The following TCF4 variants were observed in gnomAD, a reference collection of about 807,000 sequenced individuals.
TCF4 encodes the protein SL3-3 enhancer factor 2.
A neutral mutation model predicts 82.1 loss-of-function variants in TCF4; 3 were observed. The ratio of observed to expected loss-of-function variants is 0.04; its 90% CI spans 0.02 to 0.09. TCF4 has a LOEUF of 0.09. Ranked by LOEUF, TCF4 falls within the 10% of genes least tolerant of loss-of-function variation. The pLI, the probability that TCF4 is intolerant of heterozygous loss-of-function variation, is 1.00. For missense variants in TCF4, 518 were observed against 852.7 expected (o/e 0.61, Z 4.89); for synonymous variants, 276 against 309.6 (o/e 0.89, Z 1.14).
chr18:55,605,504 G>A (rs1043329456), intron 2 of TCF4, among the ~76,000 whole-genome samples: 17 of 152,174 alleles, frequency 1.1e-4, no homozygotes, highest in African/African-American at 3.9e-4. Flanking sequence ...TCTTCAAACT[G>A]AGTAAACTCC....
At chr18:55,431,562 G>C (rs2095196152) in intron 5 of TCF4, among the ~76,000 whole-genome samples, 1 of 152,164 alleles carries the variant, frequency 6.6e-6, no homozygotes, top group South Asian at 2.1e-4. Context: ...TTACAGTTGT[G>C]AACCACCGTG....
intron 2 of TCF4, among the ~76,000 whole-genome samples, chr18:55,604,512 G>T (rs1182145140): frequency 6.6e-6 from 1 of 152,318 alleles, no homozygotes; most frequent in East Asian, 1.9e-4. Context: ...GCTTTTAACA[G>T]AGAGGACAAA....
chr18:55,622,950 A>C (rs1243800599), intron 2 of TCF4, among the ~76,000 whole-genome samples: 2 of 151,958 alleles, frequency 1.3e-5, no homozygotes, highest in Non-Finnish European at 2.9e-5. Flanking sequence ...CTAACCAGAC[A>C]CAATGTAAAC....
Position 55,335,967 on chromosome 18 carries a change from A to G in TCF4, c.549+14392T>C, listed in dbSNP as rs533837566. Among the ~76,000 whole-genome samples, 9 of 152,184 alleles carry G rather than the reference A, an allele frequency of 5.9e-5. No homozygotes were observed. In the South Asian group the frequency reaches 1.0e-3, roughly 18 times the overall value. On this transcript the variant is annotated intron_variant, in intron 8 of 19. Transcript: ENST00000354452. ...TAATGCAGGGTAATACAGTGTGATA[A>G]GCAGCTTAGACATCAAAATAGTAAA...
chr18:55,521,830 GCTAA>G (rs1035606265), intron 3 of TCF4, among the ~76,000 whole-genome samples: 3 of 152,172 alleles, frequency 2.0e-5, no homozygotes, highest in Non-Finnish European at 2.9e-5. Context: ...TTTTTAGAAA[GCTAA>G]CTAACTACTG....
chr18:55,402,071 C>T (rs951841509), intron 6 of TCF4: 44 of 985,304 alleles, frequency 4.5e-5, no homozygotes, highest in Middle Eastern at 5.2e-4. Flanking sequence ...AAGATGTTTC[C>T]GTTGCGCTGG....
chr18:55,581,129 G>A (rs1431381522), intron 3 of TCF4, among the ~76,000 whole-genome samples: 2 of 151,920 alleles, frequency 1.3e-5, no homozygotes, highest in East Asian at 3.9e-4. Flanking sequence ...GAAGGCACAT[G>A]CATATACAGA....
At chr18:55,510,484 T>A in intron 3 of TCF4, 1 of 940,110 alleles carries the variant, frequency 1.1e-6, no homozygotes. Context: ...GTCAAATATG[T>A]CCAGCAATTC....
chr18:55,617,001 T>C (rs752117699), intron 2 of TCF4, among the ~76,000 whole-genome samples: 2 of 152,138 alleles, frequency 1.3e-5, no homozygotes, highest in African/African-American at 4.8e-5. Flanking sequence ...ATCTAATAAA[T>C]CATTGCCAAG....
intron 3 of TCF4, among the ~76,000 whole-genome samples, chr18:55,502,122 T>C (rs2096708766): frequency 1.3e-5 from 2 of 152,212 alleles, no homozygotes; most frequent in Non-Finnish European, 2.9e-5. Context: ...TTCTCTCTCT[T>C]TTATGCCTTT....
At chr18:55,540,493 T>C (rs1209272832) in intron 3 of TCF4, among the ~76,000 whole-genome samples, 2 of 152,082 alleles carry the variant, frequency 1.3e-5, no homozygotes, top group Non-Finnish European at 2.9e-5. Context: ...TTAATGTTTT[T>C]TGGCATGTTG....
intron 7 of TCF4, 144 bp downstream of exon 7, chr18:55,350,730 A>G (rs1461845469): frequency 9.3e-7 from 1 of 1,069,680 alleles, no homozygotes; most frequent in Non-Finnish European, 1.4e-6. Flanking sequence ...ACTAGGGGGG[A>G]AGTCTCCAGG....
chr18:55,582,795 T>C (rs1568457228), intron 3 of TCF4, among the ~76,000 whole-genome samples: 1 of 152,164 alleles, frequency 6.6e-6, no homozygotes, highest in Non-Finnish European at 1.5e-5. Flanking sequence ...AGTTTAGATC[T>C]TTCCTAAATC....
chr18:55,236,429 G>A (rs2049414289), intron 15 of TCF4, among the ~76,000 whole-genome samples: 1 of 151,686 alleles, frequency 6.6e-6, no homozygotes, highest in Non-Finnish European at 1.5e-5. Context: ...TCAGCTTCTA[G>A]AGCTCTGTGG....
chr18:55,394,665 G>T (rs557415033), intron 6 of TCF4, among the ~76,000 whole-genome samples: 13 of 152,290 alleles, frequency 8.5e-5, no homozygotes, highest in African/African-American at 3.1e-4. Context: ...AGCAACATTT[G>T]CATGTTGGAA....
At chr18:55,311,636 T>A (rs2072489846) in intron 8 of TCF4, among the ~76,000 whole-genome samples, 1 of 152,220 alleles carries the variant, frequency 6.6e-6, no homozygotes, top group African/African-American at 2.4e-5. Context: ...GATCACTTAG[T>A]ATGTGATAGT....
intron 3 of TCF4, among the ~76,000 whole-genome samples, chr18:55,512,959 G>T (rs980730487): frequency 6.6e-6 from 1 of 152,044 alleles, no homozygotes; most frequent in African/African-American, 2.4e-5. Context: ...CTGAAGAAAG[G>T]CAATGACCTT....
chr18:55,334,486 A>G (rs976654298), intron 8 of TCF4, among the ~76,000 whole-genome samples: 19 of 152,140 alleles, frequency 1.2e-4, no homozygotes, highest in African/African-American at 4.6e-4. Context: ...AAAAACTCTG[A>G]GCTAAGACCC....
At chr18:55,393,170 C>A (rs898555755) in intron 6 of TCF4, among the ~76,000 whole-genome samples, 3 of 152,088 alleles carry the variant, frequency 2.0e-5, no homozygotes, top group African/African-American at 7.2e-5. Context: ...TTTGAGACAG[C>A]CTGGACAACA....
Sources: gnomAD v4.1 joint callset for allele counts (sites outside exome capture counted in the v4.1 genomes callset) on GRCh38, gnomAD v4.1.1 for gene constraint, MANE v1.5 for transcripts, NCBI Gene and HGNC (gene_info 2026-07-23, HGNC 2026-07-21) for gene names.